Variants in SLCO2B1 observed in about 807,000 individuals in gnomAD.
The protein encoded by SLCO2B1 is solute carrier organic anion transporter family member 2B1, also known as OATP-RP2.
Under a neutral mutation model 67.3 loss-of-function variants are expected in SLCO2B1, and 41 were observed. The observed-to-expected ratio is 0.61, with a 90% CI of 0.47 to 0.79. SLCO2B1 has a LOEUF of 0.79. Ranked by LOEUF, SLCO2B1 falls within the 30% of genes least tolerant of loss-of-function variation. The pLI is 0.00. For missense variants in SLCO2B1, 837 were observed against 920.1 expected, an observed-to-expected ratio of 0.91 and a Z score of 1.17; for synonymous variants, 379 against 381.4, an observed-to-expected ratio of 0.99 and a Z score of 0.07.
At chr11:75,158,991 A>T (rs1225487482) in intron 1 of SLCO2B1, among the ~76,000 whole-genome samples, 25 of 152,166 alleles carry the variant, frequency 1.6e-4, no homozygotes, top group Admixed American at 1.6e-3. Context: ...GACTCTACCC[A>T]TGAAGGGCAG....
intron 7 of SLCO2B1, among the ~76,000 whole-genome samples, chr11:75,182,289 C>G (rs1950100509): frequency 1.3e-5 from 2 of 152,202 alleles, no homozygotes; most frequent in African/African-American, 2.4e-5. Context: ...CACAGGGAGA[C>G]TAGAGAACCT....
At chr11:75,160,757 A>G (rs1949809522) in intron 1 of SLCO2B1, among the ~76,000 whole-genome samples, 1 of 152,228 alleles carries the variant, frequency 6.6e-6, no homozygotes, top group Non-Finnish European at 1.5e-5. Context: ...TTCCTCAGCC[A>G]AATTCCTCAA....
intron 2 of SLCO2B1, 131 bp downstream of exon 2, chr11:75,162,916 G>A (rs374015476): frequency 2.7e-6 from 3 of 1,116,158 alleles, no homozygotes; most frequent in African/African-American, 3.2e-5. Context: ...TGGCTGTGAG[G>A]ATCAAAGGGA....
At chr11:75,153,346 G>A (rs1949713189) in intron 1 of SLCO2B1, among the ~76,000 whole-genome samples, 1 of 152,222 alleles carries the variant, frequency 6.6e-6, no homozygotes, top group South Asian at 2.1e-4. Flanking sequence ...AGGGCAGACA[G>A]GTGGGGCGAG....
intron 10 of SLCO2B1, among the ~76,000 whole-genome samples, chr11:75,197,895 TC>T (rs1170642359): frequency 6.6e-6 from 1 of 152,114 alleles, no homozygotes; most frequent in African/African-American, 2.4e-5. Flanking sequence ...TTTCCTCAGT[TC>T]CCCAAAATGA....
intron 1 of SLCO2B1, chr11:75,157,066 A>G (rs2712821): frequency 0.79 from 119,726 of 152,352 alleles, 47,382 homozygotes; most frequent in South Asian, 0.9. Context: ...GTAGGTCTCA[A>G]CCTTATTTTA....
At position 75,193,246 on chromosome 11, in the gene SLCO2B1, A is replaced by G; in HGVS notation, c.1104A>G (p.Leu368=). Reference sequence around the variant, plus strand: ...TCCCCAGGGTGCTGCTGCAGACCCTACGCCACCCCATCTTCCTGCTGGTGG... The same window carrying G: ...TCCCCAGGGTGCTGCTGCAGACCCTGCGCCACCCCATCTTCCTGCTGGTGG... The part of the protein sequence containing the change: ...KVFPRVLLQT[L]RHPIFLLVVL... Residue 368 remains leucine, a synonymous_variant, in exon 9 of 14, where the codon CTA becomes CTG. Transcript: ENST00000289575. This position sits in a 1 kb window ranked among gnomAD's most constrained non-coding sequence, Gnocchi z 4.2. The G allele has an allele frequency of 1.2e-6, 2 of 1,613,152 alleles. No individual in the cohort carries two copies. Among genetic ancestry groups the G allele is most frequent in the Non-Finnish European group, 1.7e-6 (2 of 1,179,834 alleles).
At chr11:75,201,424 A>G (rs1055243953) in intron 11 of SLCO2B1, 1 of 152,144 alleles carries the variant, frequency 6.6e-6, no homozygotes, top group Non-Finnish European at 1.5e-5. Flanking sequence ...CACTCAATTA[A>G]TTCTGCAGTG....
At position 75,200,297 on chromosome 11, in the gene SLCO2B1, G is replaced by A. The variant is rs1945163433; in HGVS notation, c.1673G>A (p.Ser558Asn). 4 of 1,613,872 alleles carry A rather than the reference G, an allele frequency of 2.5e-6. No individual in the cohort carries two copies. The highest frequency in any genetic ancestry group is 3.4e-6 in the Non-Finnish European group (4 of 1,179,976). ...GCAGGATCCTGCGACTCAACGTGCA[G>A]CCATCTGGTGGTGCCCTTCCTGCTC... ...VLAGSCDSTC[S>N]HLVVPFLLLV... The change falls in exon 11 of 14, where the codon AGC becomes AAC. Residue 558 changes from serine to asparagine, a missense_variant. Ser to Asn is a conservative substitution (Grantham distance 46, BLOSUM62 1). Transcript: ENST00000289575.
At chr11:75,157,689 C>A (rs1037387824) in intron 1 of SLCO2B1, among the ~76,000 whole-genome samples, 1 of 152,146 alleles carries the variant, frequency 6.6e-6, no homozygotes, top group Non-Finnish European at 1.5e-5. Flanking sequence ...TCTTTGAGGT[C>A]GTATAGAGGA....
rs1945000411 is a variant in SLCO2B1, at chr11:75,190,425, G to A, written c.1075+2187G>A. ...GAGGAACCATGGTCCTTCAGCTGGA[G>A]GTGCCCTATACTCTTGGGGAAAGAT... On this transcript the variant is annotated intron_variant, in intron 8 of 13. Transcript: ENST00000289575. Among the ~76,000 whole-genome samples the A allele has an allele frequency of 2.0e-5, 3 of 152,238 alleles. No individual in the cohort carries two copies. In the South Asian group the frequency reaches 6.2e-4, roughly 31 times the overall value.
At chr11:75,166,207 G>T (rs929784184) in intron 4 of SLCO2B1, among the ~76,000 whole-genome samples, 1 of 152,100 alleles carries the variant, frequency 6.6e-6, no homozygotes, top group African/African-American at 2.4e-5. Flanking sequence ...GGTTTTTTTA[G>T]GTGGGGGTGA....
chr11:75,165,748 A>G (rs1327830486), intron 3 of SLCO2B1, 39 bp from the exon 4 acceptor site: 2 of 1,607,090 alleles, frequency 1.2e-6, no homozygotes, highest in Admixed American at 3.3e-5. Flanking sequence ...CAGCCCTGGG[A>G]ACTGTTCCAC....
chr11:75,155,490 T>A (rs1434275000), intron 1 of SLCO2B1, among the ~76,000 whole-genome samples: 1 of 152,204 alleles, frequency 6.6e-6, no homozygotes, highest in African/African-American at 2.4e-5. Context: ...GGAGTTTCAC[T>A]CTTGTTGCCT....
At chr11:75,188,451 CATT>C (rs1944969803) in intron 8 of SLCO2B1, among the ~76,000 whole-genome samples, 2 of 152,324 alleles carry the variant, frequency 1.3e-5, no homozygotes, top group South Asian at 4.1e-4. Context: ...ATGGGCCAGG[CATT>C]GCGGCTCATG....
At chr11:75,167,395 CT>C (rs1591814560) in intron 4 of SLCO2B1, among the ~76,000 whole-genome samples, 1 of 152,186 alleles carries the variant, frequency 6.6e-6, no homozygotes, top group African/African-American at 2.4e-5. Context: ...TTCATCCTTA[CT>C]ACCATACAAA....
intron 4 of SLCO2B1, 38 bp from the exon 5 acceptor site, chr11:75,169,135 A>T (rs1191131765): frequency 1.3e-6 from 2 of 1,532,112 alleles, no homozygotes; most frequent in Non-Finnish European, 8.9e-7. Flanking sequence ...TTTAAGTCTT[A>T]GCTATTGTTA....
intron 3 of SLCO2B1, 21 bp from the exon 4 acceptor site, chr11:75,165,766 G>A (rs1949881720): frequency 6.2e-7 from 1 of 1,613,406 alleles, no homozygotes; most frequent in Non-Finnish European, 8.5e-7. Flanking sequence ...CACCTTAATG[G>A]GTCACCTCGT....
At chr11:75,192,652 A>C (rs1472193306) in intron 8 of SLCO2B1, among the ~76,000 whole-genome samples, 4 of 152,222 alleles carry the variant, frequency 2.6e-5, no homozygotes, top group Admixed American at 2.6e-4. Context: ...CATGAACCAG[A>C]ACTATATGGA....
Sources: allele counts gnomAD v4.1 joint callset (sites outside exome capture counted in the v4.1 genomes callset), GRCh38; gene constraint gnomAD v4.1.1; non-coding constraint Gnocchi (gnomAD v3.1); transcripts MANE v1.5; gene names NCBI Gene and HGNC (gene_info 2026-07-23, HGNC 2026-07-21).